The following PCDHGA4 variants were observed in gnomAD, a reference collection of about 807,000 sequenced individuals.
PCDHGA4 encodes the protein protocadherin gamma-A4.
PCDHGA4 carries 38 observed loss-of-function variants against 54.6 expected under a neutral mutation model. The ratio of observed to expected loss-of-function variants is 0.70; its 90% CI spans 0.54 to 0.91. The LOEUF is 0.91. PCDHGA4 is among the 40% of genes least tolerant of loss of function. PCDHGA4 has a pLI of 0.00. For missense variants in PCDHGA4, 1,298 were observed against 1,220.9 expected, an observed-to-expected ratio of 1.06 and a Z score of -0.94; for synonymous variants, 511 against 512.9, an observed-to-expected ratio of 1.00 and a Z score of 0.05.
chr5:141,395,264 A>C (rs2093207486), intron 1 of PCDHGA4: 1 of 1,549,832 alleles, frequency 6.5e-7, no homozygotes, highest in Non-Finnish European at 8.7e-7. Context: ...GCTTGCTTTT[A>C]ATTTCCAGAT....
At chr5:141,360,575 A>G in intron 1 of PCDHGA4, 1 of 1,614,000 alleles carries the variant, frequency 6.2e-7, no homozygotes, top group Non-Finnish European at 8.5e-7. Flanking sequence ...GAATCCACTA[A>G]GCCAGGTACA....
rs1369821635 is a variant in PCDHGA4, at chr5:141,512,208, G to T, written c.*1035G>T. ...TTCAGTCCAAGGAAGCTCGAAGCAG[G>T]TTTAGGACCAGGTCCCCTTGAGAGG... On this transcript the variant is annotated 3_prime_UTR_variant, in exon 4 of 4. Coordinates refer to ENST00000571252, the MANE Select transcript of PCDHGA4 (RefSeq NM_018917.4). 6.5e-6 allele frequency: 1 copy of T among 152,758 alleles called. No homozygotes were observed. The highest frequency in any genetic ancestry group is 2.4e-5 in the African/African-American group (1 of 41,454). The allele number at this position is 152,758 out of a possible 1,614,324, so 9.5% of individuals were successfully genotyped here.
chr5:141,388,876 T>C lies in PCDHGA4; in HGVS notation c.2514+31255T>C, dbSNP rs941783342. 6.2e-6 allele frequency: 10 copies of C among 1,613,840 alleles called. No homozygotes were observed. In the African/African-American group the frequency reaches 1.1e-4, roughly 17 times the overall value. On this transcript the variant is annotated intron_variant, in intron 1 of 3. Coordinates refer to ENST00000571252, the MANE Select transcript of PCDHGA4 (RefSeq NM_018917.4). ...GGAGGAATGATTGCGCAATGCACAGTGGAGGTAGAAGTCATAGATGAAAAT... is the reference window on the plus strand; with the variant it reads ...GGAGGAATGATTGCGCAATGCACAGCGGAGGTAGAAGTCATAGATGAAAAT...
intron 1 of PCDHGA4, chr5:141,422,655 C>G (rs188587553): frequency 1.2e-6 from 2 of 1,610,122 alleles, no homozygotes; most frequent in South Asian, 2.2e-5. Context: ...TCTCAGTGAC[C>G]GCCCTCGACC....
At chr5:141,359,202 T>C (rs115467151) in intron 1 of PCDHGA4, among the ~76,000 whole-genome samples, 2 of 152,140 alleles carry the variant, frequency 1.3e-5, no homozygotes, top group African/African-American at 4.8e-5. Context: ...CAAGTGAATG[T>C]TGAGAGACAA....
rs142115917 is a variant in PCDHGA4, at chr5:141,361,509, G to T, written c.2514+3888G>T. On this transcript the variant is annotated intron_variant, in intron 1 of 3. Coordinates refer to ENST00000571252, the MANE Select transcript of PCDHGA4 (RefSeq NM_018917.4). ...CAGTTTTCCAACAGACTTCCTACAT[G>T]GTTCACGTGGCAGAGAACAATCCTC... 1.6e-4 allele frequency: 252 copies of T among 1,613,978 alleles called. No homozygotes were observed. In the East Asian group the frequency reaches 5.6e-3, roughly 36 times the overall value.
intron 1 of PCDHGA4, chr5:141,365,387 ACC>A (rs1763882130): frequency 6.2e-7 from 1 of 1,613,814 alleles, no homozygotes; most frequent in African/African-American, 1.3e-5. Context: ...CACCTCTCTG[ACC>A]AGTTCGATCT....
intron 1 of PCDHGA4, chr5:141,389,407 A>C: frequency 6.2e-7 from 1 of 1,613,616 alleles, no homozygotes; most frequent in Non-Finnish European, 8.5e-7. Flanking sequence ...ATAAGCGCGG[A>C]GAGCGGGGTG....
At chr5:141,395,586 G>C (rs1222744910) in intron 1 of PCDHGA4, 1 of 169,736 alleles carries the variant, frequency 5.9e-6, no homozygotes, top group African/African-American at 2.8e-5. Context: ...GTGTGTGTGT[G>C]TGTGTATCCC....
chr5:141,375,588 C>A, intron 1 of PCDHGA4: 1 of 1,614,180 alleles, frequency 6.2e-7, no homozygotes, highest in Non-Finnish European at 8.5e-7. Context: ...GCGCCCCTGT[C>A]CTCCTACGTG....
chr5:141,402,944 G>A (rs1487270083), intron 1 of PCDHGA4: 2 of 1,592,136 alleles, frequency 1.3e-6, no homozygotes, highest in Non-Finnish European at 1.7e-6. Context: ...ATTCCAAAGC[G>A]AGGCAGCAAT....
intron 1 of PCDHGA4, chr5:141,388,093 C>T: frequency 7.3e-7 from 1 of 1,371,560 alleles, no homozygotes; most frequent in South Asian, 1.3e-5. Context: ...CGCGTCAGTT[C>T]GGAGAAGCCT....
chr5:141,422,734 T>A, intron 1 of PCDHGA4: 2 of 1,608,114 alleles, frequency 1.2e-6, no homozygotes, highest in Non-Finnish European at 1.7e-6. Context: ...GGTGCCTCTG[T>A]CCTCCTATGT....
At chr5:141,404,532 A>G in intron 1 of PCDHGA4, 1 of 1,613,918 alleles carries the variant, frequency 6.2e-7, no homozygotes, top group Non-Finnish European at 8.5e-7. Context: ...CAGTTTAGAG[A>G]TTTGCAAATG....
At chr5:141,471,095 C>T (rs1266802067) in intron 1 of PCDHGA4, among the ~76,000 whole-genome samples, 1 of 144,764 alleles carries the variant, frequency 6.9e-6, no homozygotes, top group East Asian at 2.0e-4. Context: ...GTTGTCCAGG[C>T]TAGAGTGCAG....
chr5:141,485,229 T>G lies in PCDHGA4; in HGVS notation c.2515-9578T>G, dbSNP rs2099609870. ...ATCTGGCGGTGGGCTACCCTTTTGT[T>G]CCTCTTTTACCACCTGGGTTACGTT... is the stretch of plus-strand genomic sequence containing the variant. On this transcript the variant is annotated intron_variant, in intron 1 of 3. Coordinates refer to ENST00000571252, the MANE Select transcript of PCDHGA4 (RefSeq NM_018917.4). The surrounding 1 kb of genome is among the most constrained non-coding windows in gnomAD (Gnocchi z 5.7). 6.2e-7 allele frequency: 1 copy of G among 1,614,042 alleles called. No individual in the cohort carries two copies. The highest frequency in any genetic ancestry group is 8.5e-7 in the Non-Finnish European group (1 of 1,180,030).
chr5:141,483,814 C>A (rs1262593892), intron 1 of PCDHGA4, among the ~76,000 whole-genome samples: 4 of 151,994 alleles, frequency 2.6e-5, no homozygotes, highest in African/African-American at 9.7e-5. Flanking sequence ...TTTTTGGCAG[C>A]CAGTGTAACC....
chr5:141,486,090 G>T lies in PCDHGA4; in HGVS notation c.2515-8717G>T, dbSNP rs190955361. 2.5e-6 allele frequency: 4 copies of T among 1,614,086 alleles called. No individual in the cohort carries two copies. In the East Asian group the frequency reaches 8.9e-5, roughly 36 times the overall value. On this transcript the variant is annotated intron_variant, in intron 1 of 3. Transcript: ENST00000571252. This position sits in a 1 kb window ranked among gnomAD's most constrained non-coding sequence, Gnocchi z 5.0. Reference sequence around the variant, plus strand: ...ACTACTGGAAAGCTTACTCTTTTGGGGCCCCTAGACTTTGAGAGTGAGAAT... The same window carrying T: ...ACTACTGGAAAGCTTACTCTTTTGGTGCCCCTAGACTTTGAGAGTGAGAAT...
intron 1 of PCDHGA4, among the ~76,000 whole-genome samples, chr5:141,436,010 A>G (rs1188507054): frequency 6.6e-6 from 1 of 152,168 alleles, no homozygotes; most frequent in Non-Finnish European, 1.5e-5. Context: ...AAGTATTTGA[A>G]TTTATCTAAA....
Sources: allele counts gnomAD v4.1 joint callset (sites outside exome capture counted in the v4.1 genomes callset), GRCh38; gene constraint gnomAD v4.1.1; non-coding constraint Gnocchi (gnomAD v3.1); transcripts MANE v1.5; gene names NCBI Gene and HGNC (gene_info 2026-07-23, HGNC 2026-07-21).